Variants in CD6 observed in about 807,000 individuals in gnomAD.
The protein encoded by CD6 is T-cell differentiation antigen CD6.
Under a neutral mutation model 75.3 loss-of-function variants are expected in CD6, and 53 were observed. The ratio of observed to expected loss-of-function variants is 0.70; its 90% CI spans 0.56 to 0.88. The LOEUF is 0.88. Among genes scored for constraint, CD6 ranks in the 40% least tolerant of loss-of-function variants. CD6 has a pLI of 0.00. For synonymous variants in CD6, 359 were observed against 381.5 expected, an observed-to-expected ratio of 0.94 and a Z score of 0.69; for missense variants, 770 against 897.1, an observed-to-expected ratio of 0.86 and a Z score of 1.81.
At chr11:61,002,866 G>C (rs559002600) in intron 1 of CD6, among the ~76,000 whole-genome samples, 1 of 152,126 alleles carries the variant, frequency 6.6e-6, no homozygotes, top group Non-Finnish European at 1.5e-5. Context: ...TCACTTTTAC[G>C]ACAAAACCAC....
At chr11:61,006,768 C>G in intron 2 of CD6, 126 bp downstream of exon 2, 1 of 733,632 alleles carries the variant, frequency 1.4e-6, no homozygotes, top group Non-Finnish European at 2.4e-6. Flanking sequence ...AACACTTCTT[C>G]CTGACCCATC....
At chr11:60,988,884 G>T (rs12288280) in intron 1 of CD6, among the ~76,000 whole-genome samples, 28,993 of 152,140 alleles carry the variant, frequency 0.19, 4,750 homozygotes, top group African/African-American at 0.45. Context: ...CTGGAAAATC[G>T]CTGAGAGCTC....
At chr11:61,005,774 A>C (rs532043839) in intron 1 of CD6, among the ~76,000 whole-genome samples, 159 of 152,288 alleles carry the variant, frequency 1.0e-3, no homozygotes, top group African/African-American at 3.5e-3. Flanking sequence ...TCTACTAAAA[A>C]TACAAAATTA....
chr11:60,978,883 T>C (rs188841010), intron 1 of CD6, among the ~76,000 whole-genome samples: 2 of 152,296 alleles, frequency 1.3e-5, no homozygotes, highest in Admixed American at 1.3e-4. Flanking sequence ...CATCTGAAAA[T>C]AGCCGAACAA....
At chr11:61,017,357 T>A in intron 9 of CD6, 122 bp from the exon 10 acceptor site, 1 of 706,934 alleles carries the variant, frequency 1.4e-6, no homozygotes, top group South Asian at 1.6e-5. Context: ...CCTCTCTGCC[T>A]CCGGAGTTGT....
At position 61,009,792 on chromosome 11, in the gene CD6, G is replaced by A. The variant is rs1316988257; in HGVS notation, c.1002G>A (p.Glu334=). The stretch of plus-strand genomic sequence containing the variant: ...TGTACTACTCATGCAATGGGGAGGA[G>A]CTCACCCTCTCCAACTGCTCCTGGC... The part of the protein sequence containing the change: ...GRMYYSCNGE[E]LTLSNCSWRF... Residue 334 remains glutamate (E), a synonymous_variant, in exon 5 of 13, where the codon GAG becomes GAA. Transcript: ENST00000313421. 1.2e-6 allele frequency: 2 copies of A among 1,611,068 alleles called. No homozygotes were observed. Among genetic ancestry groups the A allele is most frequent in the Non-Finnish European group, 1.7e-6 (2 of 1,178,420 alleles).
At chr11:61,005,361 C>T (rs1438688338) in intron 1 of CD6, among the ~76,000 whole-genome samples, 1 of 152,128 alleles carries the variant, frequency 6.6e-6, no homozygotes. Flanking sequence ...AGGGACCTCA[C>T]AGGGGGGGCC....
Position 61,009,633 on chromosome 11 carries a change from C to A in CD6, c.843C>A (p.His281Gln). The change falls in exon 5 of 13, where the codon CAC becomes CAA. Residue 281 changes from histidine (H) to glutamine (Q), a missense_variant. His to Gln is a conservative substitution (Grantham distance 24). Transcript: ENST00000313421. ...ADRCEGQVEV[H>Q]FRGVWNTVCD... ...GCTGCGAGGGGCAGGTGGAGGTACA[C>A]TTCCGAGGGGTCTGGAACACAGTGT... 1 of 1,613,788 alleles carries A rather than the reference C, an allele frequency of 6.2e-7. No individual in the cohort carries two copies. The highest frequency in any genetic ancestry group is 8.5e-7 in the Non-Finnish European group (1 of 1,179,994).
At chr11:60,981,231 A>G (rs1364659973) in intron 1 of CD6, among the ~76,000 whole-genome samples, 1 of 152,166 alleles carries the variant, frequency 6.6e-6, no homozygotes. Context: ...ACTATTTAAT[A>G]CTTCCATTTT....
intron 1 of CD6, among the ~76,000 whole-genome samples, chr11:60,981,961 G>A (rs1590670944): frequency 6.6e-6 from 1 of 151,826 alleles, no homozygotes; most frequent in South Asian, 2.1e-4. Flanking sequence ...AGGGGGTGGG[G>A]GCACACTCAA....
rs940077107 is a variant in CD6 at position 61,007,405 on chromosome 11, G to A, written c.119-155G>A. ...GGTCAGGCCTCAAGGTGGGCTCAGG[G>A]ATGAGCCAGCCCGGCTCCATTTTGC... On this transcript the variant is annotated intron_variant, in intron 2 of 12. Transcript: ENST00000313421. This position sits in a 1 kb window ranked among gnomAD's most constrained non-coding sequence, Gnocchi z 4.2. Among the ~76,000 whole-genome samples the A allele has an allele frequency of 6.6e-6, 1 of 152,210 alleles. No individual in the cohort carries two copies. The highest frequency in any genetic ancestry group is 6.5e-5 in the Admixed American group (1 of 15,292).
At chr11:60,979,375 T>C (rs1462964226) in intron 1 of CD6, among the ~76,000 whole-genome samples, 1 of 152,104 alleles carries the variant, frequency 6.6e-6, no homozygotes, top group African/African-American at 2.4e-5. Flanking sequence ...GCCCTGCACC[T>C]TGGGGCCAGC....
chr11:61,000,088 A>AATATAT (rs1422277505), intron 1 of CD6, among the ~76,000 whole-genome samples: 1 of 151,962 alleles, frequency 6.6e-6, no homozygotes. Context: ...TATAAATATA[A>AATATAT]ATATAAAAAA....
chr11:61,000,774 G>A (rs1858544094), intron 1 of CD6, among the ~76,000 whole-genome samples: 1 of 152,132 alleles, frequency 6.6e-6, no homozygotes, highest in Non-Finnish European at 1.5e-5. Flanking sequence ...CAAATTCCAG[G>A]CAACAAGGCT....
intron 1 of CD6, among the ~76,000 whole-genome samples, chr11:60,994,424 G>A (rs1275290021): frequency 9.5e-6 from 1 of 105,778 alleles, no homozygotes; most frequent in Non-Finnish European, 1.8e-5. Flanking sequence ...CTGGGCAACA[G>A]AGTGAGACTC....
In CD6 at chr11:61,007,817, G is replaced by A; in HGVS notation, c.376G>A (p.Ala126Thr). ...TAATGCCACTCTGGCCGGGGCGCCC[G>A]CCCTCCTGTGCAGCGGCGCCGAGTG... ...AANATLAGAP[A>T]LLCSGAEWRL... is the part of the protein sequence containing the mutation. Residue 126 changes from alanine (A) to threonine (T), a missense_variant, in exon 3 of 13, where the codon GCC becomes ACC. Ala to Thr is a moderately conservative substitution (Grantham distance 58, BLOSUM62 0). Coordinates refer to ENST00000313421, the MANE Select transcript of CD6 (RefSeq NM_006725.5). The surrounding 1 kb of genome is among the most constrained non-coding windows in gnomAD (Gnocchi z 4.2). 2 of 1,465,782 alleles carry A rather than the reference G, an allele frequency of 1.4e-6. No homozygotes were observed. The highest frequency in any genetic ancestry group is 1.3e-5 in the South Asian group (1 of 76,044). 90.8% of individuals were successfully genotyped at this position (1,465,782 alleles called of 1,614,324 possible).
rs758497874 is a variant in CD6 at position 61,018,317 on chromosome 11, C to T, written c.1866C>T (p.Ser622=). The part of the protein sequence containing the change: ...SAGPPADDSS[S]TSSGEWYQNF... ...GGCCCCCGGCTGATGACAGCTCCAG[C>T]ACCTCATCCGGGGAGTGGTACCAGA... is the stretch of plus-strand genomic sequence containing the variant. Residue 622 remains serine, a synonymous_variant, in exon 12 of 13, where the codon AGC becomes AGT. Transcript: ENST00000313421. The T allele has an allele frequency of 6.2e-7, 1 of 1,607,678 alleles. No individual in the cohort carries two copies. Among genetic ancestry groups the T allele is most frequent in the South Asian group, 1.1e-5 (1 of 89,600 alleles).
chr11:60,992,345 T>C (rs1858098527), intron 1 of CD6, among the ~76,000 whole-genome samples: 1 of 142,450 alleles, frequency 7.0e-6, no homozygotes, highest in Admixed American at 7.3e-5. Context: ...TTTTTTTTTA[T>C]ATATAACTAT....
intron 1 of CD6, among the ~76,000 whole-genome samples, chr11:60,990,137 T>C (rs1382640054): frequency 6.6e-6 from 1 of 152,188 alleles, no homozygotes; most frequent in Non-Finnish European, 1.5e-5. Context: ...ATAACTGTTG[T>C]TACTAGCCTC....
Sources: gnomAD v4.1 joint callset for allele counts (sites outside exome capture counted in the v4.1 genomes callset) on GRCh38, gnomAD v4.1.1 for gene constraint, Gnocchi (gnomAD v3.1) non-coding constraint, MANE v1.5 for transcripts, NCBI Gene and HGNC (gene_info 2026-07-23, HGNC 2026-07-21) for gene names.